CDK13: variants seen among roughly 807,000 people sequenced by gnomAD.
The protein encoded by CDK13 is cyclin-dependent kinase 13.
CDK13 carries 40 observed loss-of-function variants against 137.6 expected under a neutral mutation model. The observed-to-expected ratio is 0.29, with a 90% CI of 0.23 to 0.38. CDK13 has a LOEUF of 0.38. Ranked by LOEUF, CDK13 falls within the 10% of genes least tolerant of loss-of-function variation. The pLI, the probability that CDK13 is intolerant of heterozygous loss-of-function variation, is 1.00. For missense variants in CDK13, 1,704 were observed against 1,951.8 expected (o/e 0.87, Z 2.39); for synonymous variants, 869 against 760.1 (o/e 1.14, Z -2.36).
intron 1 of CDK13, among the ~76,000 whole-genome samples, chr7:39,953,705 C>T (rs1207562759): frequency 6.6e-6 from 1 of 152,156 alleles, no homozygotes; most frequent in Non-Finnish European, 1.5e-5. Context: ...AACACATAAT[C>T]TTTTCATGGT....
At chr7:40,074,289 G>C (rs1036555279) in intron 9 of CDK13, among the ~76,000 whole-genome samples, 1 of 152,170 alleles carries the variant, frequency 6.6e-6, no homozygotes, top group South Asian at 2.1e-4. Context: ...TTGGGAGGCC[G>C]AGGTGGGCGG....
chr7:39,994,205 G>A (rs1167577012), intron 2 of CDK13, among the ~76,000 whole-genome samples: 1 of 151,888 alleles, frequency 6.6e-6, no homozygotes, highest in Non-Finnish European at 1.5e-5. Flanking sequence ...TTTTTATCTA[G>A]TCAAATCTAT....
chr7:40,049,567 A>G (rs887151697), intron 7 of CDK13, among the ~76,000 whole-genome samples: 25 of 152,198 alleles, frequency 1.6e-4, no homozygotes, highest in African/African-American at 6.0e-4. Flanking sequence ...GCTAATTACT[A>G]TGCATTACCC....
rs545793720 is a variant in CDK13, at chr7:40,035,279, G to T, written c.2354-10557G>T. On this transcript the variant is annotated intron_variant, in intron 5 of 13. Transcript: ENST00000181839. ...CAGGTCATGACCTACTCAATTGATTGCATGACCCACAGTTTGAAAAACATC... is the reference window on the plus strand; with the variant it reads ...CAGGTCATGACCTACTCAATTGATTTCATGACCCACAGTTTGAAAAACATC... Among the ~76,000 whole-genome samples the T allele has an allele frequency of 1.1e-4, 17 of 152,224 alleles. No individual in the cohort carries two copies. In the South Asian group the frequency reaches 1.9e-3, roughly 17 times the overall value.
At chr7:40,047,653 C>T (rs1280659426) in intron 6 of CDK13, among the ~76,000 whole-genome samples, 168 bp from the exon 7 acceptor site, 1 of 151,336 alleles carries the variant, frequency 6.6e-6, no homozygotes, top group East Asian at 1.9e-4. Flanking sequence ...GTGAATTTAT[C>T]CACTACTTGC....
chr7:39,969,506 T>C (rs759757587), intron 1 of CDK13, among the ~76,000 whole-genome samples: 4 of 152,214 alleles, frequency 2.6e-5, no homozygotes, highest in Admixed American at 6.5e-5. Context: ...GTCTTTTGTT[T>C]TTGTTTCTCT....
chr7:40,092,839 AC>A lies in CDK13; in HGVS notation c.3292del (p.Leu1098TyrfsTer17). 1 of 1,614,186 alleles carries A rather than the reference AC, an allele frequency of 6.2e-7. No individual in the cohort carries two copies. The highest frequency in any genetic ancestry group is 8.5e-7 in the Non-Finnish European group (1 of 1,180,044). ...CACAGTGAATTGGCAATTCTACTAAACCTACTACAATCTAAAACAAGTGTTA... is the reference window on the plus strand; with the variant it reads ...CACAGTGAATTGGCAATTCTACTAAACTACTACAATCTAAAACAAGTGTTA... ...LNHSELAILL[N>X]LLQSKTSVNM... On this transcript the variant is annotated frameshift_variant, in exon 13 of 14. Transcript: ENST00000181839. LOFTEE classifies it high-confidence loss of function.
intron 9 of CDK13, among the ~76,000 whole-genome samples, chr7:40,075,326 C>T (rs774696443): frequency 6.6e-6 from 1 of 152,190 alleles, no homozygotes; most frequent in Non-Finnish European, 1.5e-5. Context: ...GCTGTCATGT[C>T]TACCTCTCTA....
Position 40,063,017 on chromosome 7 carries a change from C to T in CDK13, c.2703-6C>T, listed in dbSNP as rs1344827672. On this transcript the variant is annotated splice_polypyrimidine_tract_variant and splice_region_variant and intron_variant, in intron 8 of 13. Coordinates refer to ENST00000181839, the MANE Select transcript of CDK13 (RefSeq NM_003718.5). ...ATTTGGTAATGACGGGTATTTTTTC[C>T]ATTAGCTGTATCCTTGGCGAACTCT... 1 of 1,612,880 alleles carries T rather than the reference C, an allele frequency of 6.2e-7. No homozygotes were observed. Among genetic ancestry groups the T allele is most frequent in the South Asian group, 1.1e-5 (1 of 91,018 alleles).
intron 1 of CDK13, among the ~76,000 whole-genome samples, chr7:39,962,864 C>T (rs925510045): frequency 6.6e-6 from 1 of 152,178 alleles, no homozygotes; most frequent in Admixed American, 6.5e-5. Flanking sequence ...TTCCCAGCAC[C>T]ATTTATTAAA....
In CDK13 at chr7:39,988,152, C is replaced by A. The variant is rs2116268662; in HGVS notation, c.1765C>A (p.Pro589Thr). Residue 589 changes from proline (P) to threonine (T), a missense_variant, in exon 2 of 14, where the codon CCA becomes ACA. By Grantham distance (38) the Pro-to-Thr change is conservative. This residue lies in a region of CDK13 where 1,051 missense variants were observed against 931.0 expected (regional missense o/e 1.13). Coordinates refer to ENST00000181839, the MANE Select transcript of CDK13 (RefSeq NM_003718.5). Reference protein sequence around the residue: ...SLKEKTKPLTPSIGAKEKEQH... With the variant: ...SLKEKTKPLTTSIGAKEKEQH... ...TAAAGAGAAAACCAAACCACTTACA[C>A]CAAGCATAGGAGCCAAGGAGAAGGA... The A allele has an allele frequency of 6.2e-7, 1 of 1,613,986 alleles. No individual in the cohort carries two copies. The highest frequency in any genetic ancestry group is 2.2e-5 in the East Asian group (1 of 44,866).
chr7:39,991,498 T>A (rs1442232037), intron 2 of CDK13, among the ~76,000 whole-genome samples: 1 of 151,580 alleles, frequency 6.6e-6, no homozygotes, highest in Non-Finnish European at 1.5e-5. Flanking sequence ...TGTGTGTGTG[T>A]GTGTGTGTGT....
intron 5 of CDK13, among the ~76,000 whole-genome samples, chr7:40,021,778 A>G (rs1477757726): frequency 1.3e-5 from 2 of 152,088 alleles, no homozygotes; most frequent in East Asian, 3.9e-4. Context: ...ACAGGGGTAT[A>G]GGAAAAGTTA....
intron 1 of CDK13, among the ~76,000 whole-genome samples, chr7:39,977,075 C>G (rs959418338): frequency 2.0e-5 from 3 of 152,076 alleles, no homozygotes; most frequent in African/African-American, 7.2e-5. Context: ...GACCGTGCTG[C>G]TTGTTTGGAT....
At position 39,951,423 on chromosome 7, in the gene CDK13, C is replaced by T. The variant is rs765713837; in HGVS notation, c.782C>T (p.Ala261Val). The change falls in exon 1 of 14, where the codon GCT becomes GTT. Residue 261 changes from alanine (A) to valine (V), a missense_variant. Around this residue, in one of 5 missense-constraint regions of CDK13, gnomAD observed 1,051 missense variants for 931.0 expected, o/e 1.13. Coordinates refer to ENST00000181839, the MANE Select transcript of CDK13 (RefSeq NM_003718.5). Reference protein sequence around the residue: ...SSSSGGRRKSASATSSSSSSR... With the variant: ...SSSSGGRRKSVSATSSSSSSR... ...AGCAGCGGCGGCCGCCGGAAAAGCGCTTCGGCCACATCCAGCAGCAGTAGC... is the reference window on the plus strand; with the variant it reads ...AGCAGCGGCGGCCGCCGGAAAAGCGTTTCGGCCACATCCAGCAGCAGTAGC... 1.4e-5 allele frequency: 22 copies of T among 1,530,342 alleles called. 1 individual carries two copies. In the South Asian group the frequency reaches 2.2e-4, roughly 15 times the overall value. 94.8% of individuals were successfully genotyped at this position (1,530,342 alleles called of 1,614,324 possible).
chr7:40,045,398 T>G (rs12531761), intron 5 of CDK13, among the ~76,000 whole-genome samples: 12,856 of 151,582 alleles, frequency 0.085, 952 homozygotes, highest in East Asian at 0.33. Context: ...TTGAGGCATT[T>G]AGAAGTCGCC....
chr7:39,975,643 G>A (rs778707823), intron 1 of CDK13, among the ~76,000 whole-genome samples: 1 of 152,154 alleles, frequency 6.6e-6, no homozygotes, highest in Non-Finnish European at 1.5e-5. Context: ...TGATGAGAGA[G>A]AGCCCGCCAT....
At chr7:39,977,169 G>A (rs571809538) in intron 1 of CDK13, among the ~76,000 whole-genome samples, 1 of 152,248 alleles carries the variant, frequency 6.6e-6, no homozygotes, top group South Asian at 2.1e-4. Flanking sequence ...AAGATGGAGG[G>A]CAAGATGATA....
Position 39,951,732 on chromosome 7 carries a change from G to A in CDK13, c.1091G>A (p.Arg364His), listed in dbSNP as rs747273870. ...CCGCGCTCCCCGAGCCCCTACAGTC[G>A]CCGCCGCTCCCCCAGCTACAGCCGC... ...RLPRSPSPYS[R>H]RRSPSYSRHS... is the part of the protein sequence containing the mutation. The change falls in exon 1 of 14, where the codon CGC (arginine) becomes CAC (histidine). Residue 364 changes from arginine (R) to histidine (H), a missense_variant. Physicochemically the swap from Arg to His is conservative, Grantham distance 29. Around this residue, in one of 5 missense-constraint regions of CDK13, gnomAD observed 1,051 missense variants for 931.0 expected, o/e 1.13. Transcript: ENST00000181839. 1.3e-6 allele frequency: 2 copies of A among 1,484,048 alleles called. No homozygotes were observed. Among genetic ancestry groups the A allele is most frequent in the Admixed American group, 2.4e-5 (1 of 41,428 alleles). 91.9% of individuals were successfully genotyped at this position (1,484,048 alleles called of 1,614,324 possible).
Sources: allele counts gnomAD v4.1 joint callset (sites outside exome capture counted in the v4.1 genomes callset), GRCh38; gene constraint gnomAD v4.1.1; regional missense constraint gnomAD v4.1.1; transcripts MANE v1.5; gene names NCBI Gene and HGNC (gene_info 2026-07-23, HGNC 2026-07-21).